The following DDAH1 variants were observed in gnomAD, a reference collection of about 807,000 sequenced individuals.
DDAH1 encodes N(G),N(G)-dimethylarginine dimethylaminohydrolase 1.
In DDAH1, 19 loss-of-function variants were observed where a neutral mutation model predicts 28.8. The ratio of observed to expected loss-of-function variants is 0.66; its 90% confidence interval spans 0.46 to 0.97. The LOEUF (loss-of-function observed/expected upper bound fraction) is 0.97. Ranked by LOEUF, DDAH1 falls within the 50% of genes least tolerant of loss-of-function variation. The pLI is 0.00. For synonymous variants in DDAH1, 153 were observed against 154.4 expected, an observed-to-expected ratio of 0.99 and a Z score of 0.07; for missense variants, 326 against 375.9, an observed-to-expected ratio of 0.87 and a Z score of 1.10.
chr1:85,390,876 T>C (rs1228958685), intron 1 of DDAH1, among the ~76,000 whole-genome samples: 11 of 152,222 alleles, frequency 7.2e-5, no homozygotes, highest in Admixed American at 1.3e-4. Context: ...ACAGATAATA[T>C]AGAATTATAA....
intron 2 of DDAH1, among the ~76,000 whole-genome samples, chr1:85,491,224 A>G (rs1034641657): frequency 7.9e-5 from 12 of 151,390 alleles, no homozygotes; most frequent in African/African-American, 2.9e-4. Context: ...CTTTTTTTGT[A>G]TTTCTGTAGA....
At chr1:85,427,694 T>C (rs970239905) in intron 1 of DDAH1, among the ~76,000 whole-genome samples, 2 of 152,186 alleles carry the variant, frequency 1.3e-5, no homozygotes, top group African/African-American at 2.4e-5. Context: ...GTGTAAATAT[T>C]TTGTTTCTCT....
At chr1:85,470,134 G>A (rs1411723311), upstream of DDAH1, among the ~76,000 whole-genome samples, 2 of 152,246 alleles carry the variant, frequency 1.3e-5, no homozygotes, top group Middle Eastern at 3.4e-3. Context: ...TTTGAGATGG[G>A]GGTGTGTATT....
intron 1 of DDAH1, among the ~76,000 whole-genome samples, chr1:85,401,372 T>C (rs1158259148): frequency 5.3e-5 from 8 of 152,176 alleles, no homozygotes; most frequent in African/African-American, 1.2e-4. Flanking sequence ...CAGATAAAGA[T>C]AGGCTAAATA....
chr1:85,365,257 A>C (rs1448192647), intron 1 of DDAH1, among the ~76,000 whole-genome samples: 2 of 152,200 alleles, frequency 1.3e-5, no homozygotes, highest in East Asian at 3.8e-4. Flanking sequence ...CAATATTGTT[A>C]CTAACCAACA....
At chr1:85,507,410 G>A (rs1205465942) in intron 1 of DDAH1, among the ~76,000 whole-genome samples, 2 of 152,068 alleles carry the variant, frequency 1.3e-5, no homozygotes, top group African/African-American at 4.8e-5. Flanking sequence ...GGCTGAGGTA[G>A]AAGGACTGCT....
intron 1 of DDAH1, among the ~76,000 whole-genome samples, chr1:85,367,573 T>C (rs1650141531): frequency 6.6e-6 from 1 of 152,224 alleles, no homozygotes; most frequent in African/African-American, 2.4e-5. Flanking sequence ...GCATGGATTA[T>C]GTCATTTAAT....
chr1:85,537,469 G>GAA lies in DDAH1; in HGVS notation c.-123+40513_-123+40514dup, dbSNP rs796994701. Among the ~76,000 whole-genome samples, 16 of 125,912 alleles carry GAA rather than the reference G, an allele frequency of 1.3e-4. No homozygotes were observed. The East Asian group carries it at 2.3e-3, about 18-fold the overall frequency. 82.6% of individuals were successfully genotyped at this position (125,912 alleles called of 152,430 possible). ...GTGATCTCACTCACATGTGGAATCT[G>GAA]AAAAAAAAAAAAGATTGCTATCACA... On this transcript the variant is annotated intron_variant, in intron 1 of 6. Transcript: ENST00000426972.
chr1:85,562,708 T>C (rs1219497778), intron 1 of DDAH1, among the ~76,000 whole-genome samples: 3 of 152,188 alleles, frequency 2.0e-5, no homozygotes, highest in Non-Finnish European at 2.9e-5. Context: ...CACCAGAAGC[T>C]AGAAGAAATA....
intron 1 of DDAH1, among the ~76,000 whole-genome samples, chr1:85,504,365 G>C (rs1037938690): frequency 6.6e-6 from 1 of 152,136 alleles, no homozygotes; most frequent in Non-Finnish European, 1.5e-5. Flanking sequence ...ATAACTTATT[G>C]AGTCAATAAA....
intron 1 of DDAH1, among the ~76,000 whole-genome samples, chr1:85,439,187 T>C (rs1369317750): frequency 6.6e-6 from 1 of 152,214 alleles, no homozygotes; most frequent in African/African-American, 2.4e-5. Flanking sequence ...AGGGGTGGAA[T>C]ATGAATGTTC....
At chr1:85,425,536 C>A (rs979083135) in intron 1 of DDAH1, among the ~76,000 whole-genome samples, 4 of 152,164 alleles carry the variant, frequency 2.6e-5, no homozygotes, top group African/African-American at 9.6e-5. Context: ...CACCAGAATA[C>A]TTAACAACTG....
chr1:85,355,278 C>T (rs1040539184), intron 2 of DDAH1, among the ~76,000 whole-genome samples: 2 of 152,000 alleles, frequency 1.3e-5, no homozygotes, highest in African/African-American at 2.4e-5. Context: ...AGCCTGTTTC[C>T]AAAGTTTAAG....
intron 1 of DDAH1, among the ~76,000 whole-genome samples, chr1:85,424,250 T>G (rs113150806): frequency 9.8e-5 from 15 of 152,294 alleles, no homozygotes; most frequent in African/African-American, 3.6e-4. Context: ...GTGCTCTCTC[T>G]GCTTCTGTTT....
At chr1:85,452,124 T>C (rs1654691485) in intron 1 of DDAH1, among the ~76,000 whole-genome samples, 2 of 152,166 alleles carry the variant, frequency 1.3e-5, no homozygotes, top group South Asian at 4.2e-4. Flanking sequence ...TGGCTTTACC[T>C]TCCTAATAGG....
chr1:85,458,129 C>T (rs1654978979), intron 1 of DDAH1, among the ~76,000 whole-genome samples: 1 of 152,186 alleles, frequency 6.6e-6, no homozygotes, highest in Non-Finnish European at 1.5e-5. Flanking sequence ...TGATATAGTC[C>T]TTTTAATTTG....
chr1:85,329,561 A>G (rs1647637499), intron 4 of DDAH1, among the ~76,000 whole-genome samples: 1 of 152,212 alleles, frequency 6.6e-6, no homozygotes, highest in African/African-American at 2.4e-5. Flanking sequence ...TCAATTTTTC[A>G]TTACTGGGAG....
chr1:85,490,627 G>C lies in DDAH1; in HGVS notation c.-7+5539C>G, dbSNP rs147366245. 5.7e-3 allele frequency among the ~76,000 whole-genome samples: 873 copies of C among 152,348 alleles called. 6 individuals are homozygous for C. The highest frequency in any genetic ancestry group is 6.0e-3 in the Non-Finnish European group (409 of 68,030). The stretch of plus-strand genomic sequence containing the variant: ...TCTGTTAAAATAATGCTTTCCAACA[G>C]GACAAGACAGCCTGCAATTTTTCAA... On this transcript the variant is annotated intron_variant, in intron 2 of 6. Coordinates refer to the DDAH1 transcript ENST00000426972.
At chr1:85,566,310 G>A (rs1298352992) in intron 1 of DDAH1, among the ~76,000 whole-genome samples, 1 of 151,668 alleles carries the variant, frequency 6.6e-6, no homozygotes, top group African/African-American at 2.4e-5. Context: ...GTTCAGCCTG[G>A]GCAATATAGT....
Sources: gnomAD v4.1 joint callset for allele counts (sites outside exome capture counted in the v4.1 genomes callset) on GRCh38, gnomAD v4.1.1 for gene constraint, MANE v1.5 for transcripts, NCBI Gene and HGNC (gene_info 2026-07-23, HGNC 2026-07-21) for gene names.